The following STPG4 variants were observed in gnomAD, a reference collection of about 807,000 sequenced individuals.
STPG4 encodes the protein sperm-tail PG-rich repeat containing 4.
In STPG4, 41 loss-of-function variants were observed where a neutral mutation model predicts 31.5. The ratio of observed to expected loss-of-function variants is 1.30; its 90% CI spans 1.01 to 1.69. STPG4 has a LOEUF of 1.69. Ranked by LOEUF, STPG4 falls within the 40% of genes most tolerant of loss-of-function variation. The pLI is 0.00. For missense variants in STPG4, 375 were observed against 293.4 expected (o/e 1.28, Z -2.03); for synonymous variants, 141 against 103.0 (o/e 1.37, Z -2.24).
rs1254542385 is a variant in STPG4, at chr2:47,129,941, G to A, written c.519C>T (p.Pro173=). 5 of 1,611,170 alleles carry A rather than the reference G, an allele frequency of 3.1e-6. No homozygotes were observed. The highest frequency in any genetic ancestry group is 2.2e-5 in the East Asian group (1 of 44,880). The change falls in exon 5 of 7, where the codon CCC becomes CCT. Residue 173 remains proline (P), a splice_region_variant and synonymous_variant. Coordinates refer to ENST00000445927, the MANE Select transcript of STPG4 (RefSeq NM_001163561.2). ...AGTTAACTGTCTACATTATACTTACGGGAATAAAATAGGTTGTTGGGAATC... is the reference window on the plus strand; with the variant it reads ...AGTTAACTGTCTACATTATACTTACAGGAATAAAATAGGTTGTTGGGAATC... ...VQRFPTTYFI[P]HEGPGPGHYN... is the part of the protein sequence containing the mutation.
chr2:47,153,700 T>C lies in STPG4; in HGVS notation c.82-684A>G, dbSNP rs536576919. On this transcript the variant is annotated intron_variant, in intron 1 of 6. Coordinates refer to ENST00000445927, the MANE Select transcript of STPG4 (RefSeq NM_001163561.2). ...AGGCACGAGAATCACTTGAACTCCG[T>C]AGGCAGAGGTTGCAGTGGGCCGAGA... Among the ~76,000 whole-genome samples the C allele has an allele frequency of 3.5e-3, 540 of 152,228 alleles. 9 individuals are homozygous for C. The highest frequency in any genetic ancestry group is 2.2e-3 in the Non-Finnish European group (150 of 68,014).
intron 5 of STPG4, among the ~76,000 whole-genome samples, chr2:47,094,340 G>T (rs189457758): frequency 6.6e-6 from 1 of 152,270 alleles, no homozygotes; most frequent in East Asian, 1.9e-4. Context: ...TGGAGTCCTA[G>T]AACTTGATGT....
intron 3 of STPG4, among the ~76,000 whole-genome samples, chr2:47,134,158 A>G (rs1686547415): frequency 1.3e-5 from 2 of 152,176 alleles, no homozygotes; most frequent in South Asian, 4.1e-4. Context: ...CGTAACCTCC[A>G]TTATCATCAT....
chr2:47,137,858 T>C (rs762023285), intron 3 of STPG4, among the ~76,000 whole-genome samples: 1 of 152,204 alleles, frequency 6.6e-6, no homozygotes, highest in African/African-American at 2.4e-5. Context: ...ATTTGTGTTT[T>C]CTCTCTTTTT....
chr2:47,134,271 T>C (rs1332245601), intron 3 of STPG4, among the ~76,000 whole-genome samples: 1 of 152,162 alleles, frequency 6.6e-6, no homozygotes, highest in Non-Finnish European at 1.5e-5. Context: ...CTTTCAAGGG[T>C]TTTGATGAAT....
At chr2:47,123,548 C>G (rs771856882) in intron 5 of STPG4, among the ~76,000 whole-genome samples, 20 of 152,206 alleles carry the variant, frequency 1.3e-4, no homozygotes, top group South Asian at 4.1e-4. Context: ...AGGAAGGGGA[C>G]AGCAAATTTG....
At chr2:47,116,973 C>T (rs1190483050) in intron 5 of STPG4, among the ~76,000 whole-genome samples, 1 of 152,066 alleles carries the variant, frequency 6.6e-6, no homozygotes, top group Admixed American at 6.6e-5. Context: ...TATGGAAAGG[C>T]TCTTGGACCC....
chr2:47,107,400 G>C (rs1685937652), intron 5 of STPG4, among the ~76,000 whole-genome samples: 1 of 152,186 alleles, frequency 6.6e-6, no homozygotes, highest in South Asian at 2.1e-4. Context: ...GCCGGCCCCG[G>C]GCAACGAGGG....
At chr2:47,143,735 G>C (rs1573196374) in intron 3 of STPG4, among the ~76,000 whole-genome samples, 1 of 152,036 alleles carries the variant, frequency 6.6e-6, no homozygotes, top group Non-Finnish European at 1.5e-5. Flanking sequence ...TGATCCGCCT[G>C]CCTCGGCCTC....
At chr2:47,094,829 G>A (rs1457609552) in intron 5 of STPG4, among the ~76,000 whole-genome samples, 1 of 152,188 alleles carries the variant, frequency 6.6e-6, no homozygotes, top group South Asian at 2.1e-4. Flanking sequence ...CCGCGAAGAA[G>A]CCTGGCTTAT....
chr2:47,093,284 T>C (rs2103727561), intron 5 of STPG4, among the ~76,000 whole-genome samples: 1 of 152,304 alleles, frequency 6.6e-6, no homozygotes, highest in South Asian at 2.1e-4. Flanking sequence ...AAAACAGTCA[T>C]GTTTTCAAAC....
rs912836349 is a variant in STPG4, at chr2:47,144,791, C to T, written c.399+6467G>A. ...TGTCGCCCAGGCTGGAGTGCAGTGGCGCAACCTCGGCTCACTGCAACCTCC... is the reference window on the plus strand; with the variant it reads ...TGTCGCCCAGGCTGGAGTGCAGTGGTGCAACCTCGGCTCACTGCAACCTCC... On this transcript the variant is annotated intron_variant, in intron 3 of 6. Transcript: ENST00000445927. Among the ~76,000 whole-genome samples the T allele has an allele frequency of 1.8e-4, 27 of 152,176 alleles. No homozygotes were observed. In the East Asian group the frequency reaches 3.3e-3, roughly 19 times the overall value.
intron 3 of STPG4, among the ~76,000 whole-genome samples, chr2:47,150,072 T>G (rs186550445): frequency 6.6e-6 from 1 of 152,372 alleles, no homozygotes; most frequent in East Asian, 1.9e-4. Flanking sequence ...TAGTCTCTAC[T>G]CACCTTAGTT....
intron 5 of STPG4, among the ~76,000 whole-genome samples, chr2:47,114,432 A>C (rs1686104308): frequency 6.6e-6 from 1 of 152,108 alleles, no homozygotes; most frequent in Admixed American, 6.6e-5. Flanking sequence ...ACTTGAACCC[A>C]GGAGGCAGAG....
chr2:47,140,406 A>T (rs920355845), intron 3 of STPG4, among the ~76,000 whole-genome samples: 2 of 152,072 alleles, frequency 1.3e-5, no homozygotes, highest in Non-Finnish European at 2.9e-5. Flanking sequence ...AAACCTCAAA[A>T]CACGTGAGGC....
chr2:47,095,811 A>C (rs977868528), intron 5 of STPG4, among the ~76,000 whole-genome samples: 1 of 152,122 alleles, frequency 6.6e-6, no homozygotes, highest in Non-Finnish European at 1.5e-5. Context: ...TGCAGGACTA[A>C]TCCTGCGCCA....
At position 47,090,295 on chromosome 2, in the gene STPG4, A is replaced by T; in HGVS notation, c.599T>A (p.Val200Asp). The change falls in exon 6 of 7, where the codon GTC (valine) becomes GAC (aspartate). Residue 200 changes from valine to aspartate, a missense_variant. Val to Asp is a radical substitution (Grantham distance 152). Coordinates refer to ENST00000445927, the MANE Select transcript of STPG4 (RefSeq NM_001163561.2). Reference protein sequence around the residue: ...SSVTSCFQSRVPRFLPSCSKT... With the variant: ...SSVTSCFQSRDPRFLPSCSKT... ...TGAACAGCTGGGCAAGAATCGAGGG[A>T]CTCTGGATTGAAAACAAGAAGTGAC... 6.4e-7 allele frequency: 1 copy of T among 1,551,526 alleles called. No homozygotes were observed. The highest frequency in any genetic ancestry group is 8.7e-7 in the Non-Finnish European group (1 of 1,146,820).
chr2:47,146,720 G>A (rs1003603795), intron 3 of STPG4, among the ~76,000 whole-genome samples: 3 of 152,208 alleles, frequency 2.0e-5, no homozygotes, highest in African/African-American at 7.2e-5. Flanking sequence ...AGCAGAGATG[G>A]AGCAGAGGTC....
rs1185552207 is a variant in STPG4, at chr2:47,155,263, C to T, written c.-12G>A. Reference sequence around the variant, plus strand: ...GCTGGCTGGTCCATGGTGGCCTCCTCTCTCTCTAGGCTGAACCTGAGCTCC... The same window carrying T: ...GCTGGCTGGTCCATGGTGGCCTCCTTTCTCTCTAGGCTGAACCTGAGCTCC... On this transcript the variant is annotated 5_prime_UTR_variant, in exon 1 of 7. Transcript: ENST00000445927. The T allele has an allele frequency of 1.2e-6, 2 of 1,614,002 alleles. No homozygotes were observed. Among genetic ancestry groups the T allele is most frequent in the African/African-American group, 2.7e-5 (2 of 75,066 alleles).
Sources: gnomAD v4.1 joint callset for allele counts (sites outside exome capture counted in the v4.1 genomes callset) on GRCh38, gnomAD v4.1.1 for gene constraint, MANE v1.5 for transcripts, NCBI Gene and HGNC (gene_info 2026-07-23, HGNC 2026-07-21) for gene names.